FAM13B: variants seen among roughly 807,000 people sequenced by gnomAD.
FAM13B encodes the protein family with sequence similarity 13 member B, also known as protein FAM13B.
FAM13B carries 60 observed loss-of-function variants against 117.3 expected under a neutral mutation model. The observed-to-expected ratio is 0.51, with a 90% CI of 0.42 to 0.63. FAM13B has a LOEUF of 0.63. FAM13B is among the 30% of genes least tolerant of loss of function. The probability of loss-of-function intolerance (pLI) is 0.00; values close to 1 mark genes in which losing one functional copy is unlikely to be tolerated. For synonymous variants in FAM13B, 332 were observed against 356.1 expected (o/e 0.93, Z 0.76); for missense variants, 972 against 1,091.9 (o/e 0.89, Z 1.55).
intron 10 of FAM13B, among the ~76,000 whole-genome samples, chr5:137,971,165 T>C (rs1012721470): frequency 1.3e-5 from 2 of 151,498 alleles, no homozygotes; most frequent in African/African-American, 4.8e-5. Flanking sequence ...TACATTTTTT[T>C]CAGCACCACA....
intron 1 of FAM13B, among the ~76,000 whole-genome samples, chr5:138,031,757 A>G (rs1217202352): frequency 6.6e-6 from 1 of 152,196 alleles, no homozygotes; most frequent in Non-Finnish European, 1.5e-5. Context: ...CAATTCCATC[A>G]ACAAGCACTT....
intron 18 of FAM13B, among the ~76,000 whole-genome samples, chr5:137,948,151 G>C (rs945544184): frequency 4.8e-5 from 7 of 147,014 alleles, no homozygotes; most frequent in Non-Finnish European, 1.0e-4. Flanking sequence ...CCTAGGCACA[G>C]GCTTTACTGG....
chr5:137,999,618 A>C (rs1303782807), intron 7 of FAM13B, among the ~76,000 whole-genome samples: 2 of 152,104 alleles, frequency 1.3e-5, no homozygotes, highest in African/African-American at 4.8e-5. Context: ...TATTTTAGGT[A>C]TTTGTTACAG....
Position 138,041,542 on chromosome 5 carries a change from G to T in FAM13B, c.-203+10336C>A, listed in dbSNP as rs1791500521. On this transcript the variant is annotated intron_variant, in intron 1 of 3. Coordinates refer to the FAM13B transcript ENST00000502471. The stretch of plus-strand genomic sequence containing the variant: ...TAGGAAGATCTTAATTTTAAAAATG[G>T]ATAAAAAATGTTTAAGGAGGACAAA... Among the ~76,000 whole-genome samples, 4 of 152,252 alleles carry T rather than the reference G, an allele frequency of 2.6e-5. No individual in the cohort carries two copies. In the South Asian group the frequency reaches 8.3e-4, roughly 32 times the overall value.
intron 22 of FAM13B, 98 bp from the exon 23 acceptor site, chr5:137,942,143 A>G: frequency 6.3e-6 from 6 of 956,042 alleles, no homozygotes; most frequent in Non-Finnish European, 9.6e-6. Context: ...TGGCTGGGGA[A>G]CTGTTAGGTC....
chr5:138,007,674 A>G (rs908225011), intron 6 of FAM13B, among the ~76,000 whole-genome samples: 32 of 151,254 alleles, frequency 2.1e-4, no homozygotes, highest in African/African-American at 7.0e-4. Flanking sequence ...ATGGAATCCT[A>G]TAACAAGGAA....
intron 10 of FAM13B, among the ~76,000 whole-genome samples, chr5:137,983,455 A>G (rs1327289799): frequency 6.6e-6 from 1 of 152,152 alleles, no homozygotes; most frequent in Non-Finnish European, 1.5e-5. Flanking sequence ...CAGCAATTCT[A>G]TTTATAAAGG....
intron 1 of FAM13B, among the ~76,000 whole-genome samples, chr5:138,041,578 TTAGA>T (rs1344527945): frequency 7.2e-5 from 11 of 152,136 alleles, no homozygotes; most frequent in Admixed American, 6.6e-4. Flanking sequence ...TAGTAAAACA[TTAGA>T]TAGCAGAAAT....
rs1368012890 is a variant in FAM13B at position 137,943,014 on chromosome 5, G to C, written c.2449C>G (p.Leu817Val). 2 of 1,613,256 alleles carry C rather than the reference G, an allele frequency of 1.2e-6. No homozygotes were observed. ...IKEEEEDGVN[L>V]SSELGDMLKT... The stretch of plus-strand genomic sequence containing the variant: ...AACATATCACCTAACTCAGAGGACA[G>C]ATTAACACCATCTTCTTCTTCCTCC... The change falls in exon 22 of 24, where the codon CTG becomes GTG. Residue 817 changes from leucine to valine, a missense_variant. Coordinates refer to ENST00000689681, the MANE Select transcript of FAM13B (RefSeq NM_001385994.1).
At chr5:137,992,782 G>GT (rs756614092) in intron 7 of FAM13B, among the ~76,000 whole-genome samples, 4 of 152,176 alleles carry the variant, frequency 2.6e-5, no homozygotes, top group Non-Finnish European at 5.9e-5. Context: ...CACACTGTTA[G>GT]TAGGGATGTA....
upstream of FAM13B, chr5:138,036,286 C>G: frequency 5.2e-6 from 2 of 384,028 alleles, no homozygotes; most frequent in Non-Finnish European, 5.2e-6. Flanking sequence ...GAGCTTTTTT[C>G]TCATGGTGCT....
intron 2 of FAM13B, among the ~76,000 whole-genome samples, chr5:138,019,596 TCTAATAACCACTTTTTATAAATGATGGG>T (rs1196301339): frequency 3.3e-5 from 5 of 152,214 alleles, no homozygotes; most frequent in Admixed American, 3.3e-4. Flanking sequence ...AAAGTGCAGA[TCTAATAACCACTTTTTATAAATGATGGG>T]CTAATAAGAA....
intron 7 of FAM13B, among the ~76,000 whole-genome samples, chr5:137,992,302 A>G (rs962330679): frequency 6.6e-5 from 10 of 151,480 alleles, no homozygotes; most frequent in African/African-American, 1.7e-4. Context: ...AAGAATTGAA[A>G]AAAAAAAAAG....
intron 10 of FAM13B, among the ~76,000 whole-genome samples, chr5:137,976,207 G>A (rs551865530): frequency 1.4e-4 from 21 of 151,906 alleles, no homozygotes; most frequent in South Asian, 4.2e-4. Context: ...CACCCACCTC[G>A]GCCTCCCAAA....
rs1184503264 is a variant in FAM13B, at chr5:137,976,032, G to C, written c.1179+9225C>G. ...GCTCTGTTGCCCAGGCTGGAGTGCAGTGGCGCGATCTCCGCCTCCCGGGTT... is the reference window on the plus strand; with the variant it reads ...GCTCTGTTGCCCAGGCTGGAGTGCACTGGCGCGATCTCCGCCTCCCGGGTT... On this transcript the variant is annotated intron_variant, in intron 10 of 23. Transcript: ENST00000689681. Among the ~76,000 whole-genome samples the C allele has an allele frequency of 4.3e-5, 6 of 139,340 alleles. No homozygotes were observed. In the East Asian group the frequency reaches 8.1e-4, roughly 19 times the overall value. 91.4% of individuals were successfully genotyped at this position (139,340 alleles called of 152,430 possible). A position where few individuals can be genotyped will look rare whatever the true frequency, so the allele number is the denominator to read the frequency against.
Position 137,954,505 on chromosome 5 carries a change from TACACACACACAC to T in FAM13B, c.1508-141_1508-130del, listed in dbSNP as rs111423475. 7.2e-6 allele frequency: 3 copies of T among 416,830 alleles called. No individual in the cohort carries two copies. The East Asian group carries it at 1.3e-4, about 18-fold the overall frequency. 25.8% of individuals were successfully genotyped at this position (416,830 alleles called of 1,614,324 possible). On this transcript the variant is annotated intron_variant, in intron 14 of 23. Coordinates refer to ENST00000689681, the MANE Select transcript of FAM13B (RefSeq NM_001385994.1). ...AGTGGTTCATATATACATACACACA[TACACACACACAC>T]ACACACATACATGTGTGTGTGTATA... is the stretch of plus-strand genomic sequence containing the variant.
chr5:137,954,475 T>C, intron 14 of FAM13B, 99 bp from the exon 15 acceptor site: 1 of 804,628 alleles, frequency 1.2e-6, no homozygotes, highest in Non-Finnish European at 2.0e-6. Flanking sequence ...ATCATATCAT[T>C]ATGTAGTGGT....
At chr5:138,029,330 GT>G (rs959115466) in intron 1 of FAM13B, among the ~76,000 whole-genome samples, 117 of 152,288 alleles carry the variant, frequency 7.7e-4, no homozygotes, top group African/African-American at 2.8e-3. Context: ...TGAAAATTTT[GT>G]TTAAAATGTC....
At chr5:137,951,139 G>A (rs1313383138) in intron 17 of FAM13B, among the ~76,000 whole-genome samples, 1 of 148,570 alleles carries the variant, frequency 6.7e-6, no homozygotes, top group Non-Finnish European at 1.5e-5. Flanking sequence ...CAGCCCGGGA[G>A]GTGGAAGCTG....
Sources: allele counts gnomAD v4.1 joint callset (sites outside exome capture counted in the v4.1 genomes callset), GRCh38; gene constraint gnomAD v4.1.1; transcripts MANE v1.5; gene names NCBI Gene and HGNC (gene_info 2026-07-23, HGNC 2026-07-21).